The following COLEC11 variants were observed in gnomAD, a reference collection of about 807,000 sequenced individuals.
COLEC11 encodes the protein collectin-11.
In COLEC11, 20 loss-of-function variants were observed where a neutral mutation model predicts 27.3. That is an observed-to-expected ratio of 0.73 (90% CI 0.51 to 1.06). The LOEUF (loss-of-function observed/expected upper bound fraction) is 1.06, where lower values mean the gene tolerates loss of function less well. COLEC11 is among the 50% of genes least tolerant of loss of function. The probability of loss-of-function intolerance (pLI) is 0.00; values close to 1 mark genes in which losing one functional copy is unlikely to be tolerated. For missense variants in COLEC11, 310 were observed against 383.0 expected (o/e 0.81, Z 1.59); for synonymous variants, 163 against 154.7 (o/e 1.05, Z -0.40).
At chr2:3,643,629 G>A (rs1206418729) in intron 6 of COLEC11, 90 bp downstream of exon 6, 6 of 1,598,316 alleles carry the variant, frequency 3.8e-6, no homozygotes. Flanking sequence ...GCCCACGCCT[G>A]CCCTGCCTGC....
intron 3 of COLEC11, among the ~76,000 whole-genome samples, chr2:3,615,450 T>G (rs1663597144): frequency 6.6e-6 from 1 of 152,066 alleles, no homozygotes; most frequent in African/African-American, 2.4e-5. Context: ...GAGCAGGGGG[T>G]TGGGGGTAAG....
At chr2:3,635,660 G>C (rs1341051785) in intron 3 of COLEC11, among the ~76,000 whole-genome samples, 1 of 152,218 alleles carries the variant, frequency 6.6e-6, no homozygotes, top group Non-Finnish European at 1.5e-5. Context: ...TGCACAGCTG[G>C]CAACACACAG....
intron 2 of COLEC11, among the ~76,000 whole-genome samples, chr2:3,610,214 C>T (rs1003023197): frequency 2.0e-5 from 3 of 152,246 alleles, no homozygotes; most frequent in African/African-American, 4.8e-5. Context: ...TGTGTCTTCA[C>T]CTCTAGAGTG....
rs533544212 is a variant in COLEC11, at chr2:3,624,166, C to T, written c.202+10784C>T. On this transcript the variant is annotated intron_variant, in intron 3 of 6. Transcript: ENST00000349077. The stretch of plus-strand genomic sequence containing the variant: ...TCCCCTAGGGCAGTGCTCTGAAATG[C>T]TCAAGTTCTTGTGCCTTCTCCCTCC... Among the ~76,000 whole-genome samples the T allele has an allele frequency of 2.6e-5, 4 of 152,302 alleles. No homozygotes were observed. In the South Asian group the frequency reaches 8.3e-4, roughly 32 times the overall value.
intron 3 of COLEC11, among the ~76,000 whole-genome samples, chr2:3,618,054 A>G (rs533533141): frequency 1.3e-5 from 2 of 152,236 alleles, no homozygotes; most frequent in East Asian, 1.9e-4. Flanking sequence ...TTTTTCGGCT[A>G]TTGAGTTGTA....
Position 3,631,949 on chromosome 2 carries a change from C to T in COLEC11, c.203-5584C>T, listed in dbSNP as rs183513881. ...CGTGGAGGGTGGCTTTGGCTGTACC[C>T]GGGGTGGAAGTCTCACAGGCTGGGG... On this transcript the variant is annotated intron_variant, in intron 3 of 6. Coordinates refer to ENST00000349077, the MANE Select transcript of COLEC11 (RefSeq NM_024027.5). Among the ~76,000 whole-genome samples, 17 of 152,284 alleles carry T rather than the reference C, an allele frequency of 1.1e-4. No individual in the cohort carries two copies. In the East Asian group the frequency reaches 3.3e-3, roughly 30 times the overall value.
chr2:3,608,412 AC>A (rs149037315), intron 2 of COLEC11, among the ~76,000 whole-genome samples: 2,374 of 152,330 alleles, frequency 0.016, 35 homozygotes, highest in Middle Eastern at 0.061. Context: ...GGTCTACATT[AC>A]AAAATGCATG....
Position 3,643,844 on chromosome 2 carries a change from A to C in COLEC11, c.542A>C (p.Lys181Thr), listed in dbSNP as rs577671414. ...QGRGGTLSMP[K>T]DEAANGLMAA... ...CGCGGGGGCACGCTGAGCATGCCCA[A>C]GGACGAGGCTGCCAATGGCCTGATG... Residue 181 changes from lysine (K) to threonine (T), a missense_variant, in exon 7 of 7, where the codon AAG becomes ACG. By Grantham distance (78) the Lys-to-Thr change is moderately conservative (BLOSUM62 -1). Coordinates refer to ENST00000349077, the MANE Select transcript of COLEC11 (RefSeq NM_024027.5). 3 of 1,613,588 alleles carry C rather than the reference A, an allele frequency of 1.9e-6. No homozygotes were observed. In the Admixed American group the frequency reaches 5.0e-5, roughly 27 times the overall value.
intron 3 of COLEC11, among the ~76,000 whole-genome samples, chr2:3,618,745 G>A (rs1015022378): frequency 1.3e-5 from 2 of 152,130 alleles, no homozygotes; most frequent in Admixed American, 1.3e-4. Context: ...GATAGAGATT[G>A]CACTGAATCT....
At chr2:3,635,281 C>T (rs1331866520) in intron 3 of COLEC11, among the ~76,000 whole-genome samples, 1 of 152,144 alleles carries the variant, frequency 6.6e-6, no homozygotes, top group East Asian at 1.9e-4. Flanking sequence ...AACACTGCCT[C>T]CTGGGTGTCT....
intron 3 of COLEC11, among the ~76,000 whole-genome samples, chr2:3,631,048 T>C (rs1397269331): frequency 1.3e-5 from 2 of 152,102 alleles, no homozygotes; most frequent in Non-Finnish European, 2.9e-5. Flanking sequence ...CTGGCTAACA[T>C]GGTGAAACCC....
chr2:3,620,827 G>GT (rs1265558814), intron 3 of COLEC11, among the ~76,000 whole-genome samples: 1 of 151,906 alleles, frequency 6.6e-6, no homozygotes, highest in Non-Finnish European at 1.5e-5. Context: ...TAATTTTCTC[G>GT]TATTTGTGAA....
intron 5 of COLEC11, 23 bp from the exon 6 acceptor site, chr2:3,643,421 A>T (rs772025143): frequency 6.3e-7 from 1 of 1,595,144 alleles, no homozygotes; most frequent in Non-Finnish European, 8.6e-7. Flanking sequence ...AGCGTTTGTA[A>T]CGCGTGGGCC....
intron 3 of COLEC11, among the ~76,000 whole-genome samples, chr2:3,614,134 AT>A (rs1266658322): frequency 3.7e-4 from 30 of 82,172 alleles, no homozygotes; most frequent in African/African-American, 8.4e-4. Flanking sequence ...CACCCAGCTA[AT>A]TTTTTTTTGG....
In COLEC11 at chr2:3,604,487, C is replaced by T. The variant is rs1303591858; in HGVS notation, c.130+17C>T. Reference sequence around the variant, plus strand: ...GCCTCAAAGGTAACCGCTCCCTGGACTCTGGGCTGCTGGGCAGTGGCCTCC... The same window carrying T: ...GCCTCAAAGGTAACCGCTCCCTGGATTCTGGGCTGCTGGGCAGTGGCCTCC... On this transcript the variant is annotated intron_variant, in intron 2 of 6. Coordinates refer to ENST00000349077, the MANE Select transcript of COLEC11 (RefSeq NM_024027.5). 4 of 1,613,604 alleles carry T rather than the reference C, an allele frequency of 2.5e-6. No individual in the cohort carries two copies. The highest frequency in any genetic ancestry group is 3.4e-6 in the Non-Finnish European group (4 of 1,179,986).
intron 3 of COLEC11, among the ~76,000 whole-genome samples, chr2:3,615,327 G>A (rs1444367945): frequency 1.3e-5 from 2 of 152,152 alleles, no homozygotes; most frequent in Admixed American, 1.3e-4. Context: ...TGAGATTAGG[G>A]AGTGGTGATG....
At chr2:3,625,932 A>C (rs1664522609) in intron 3 of COLEC11, 2 of 1,330,284 alleles carry the variant, frequency 1.5e-6, no homozygotes, top group Non-Finnish European at 1.1e-6. Flanking sequence ...CATACCTGGC[A>C]GACTTTGCAA....
At chr2:3,632,757 A>G (rs1383258325) in intron 3 of COLEC11, among the ~76,000 whole-genome samples, 1 of 152,162 alleles carries the variant, frequency 6.6e-6, no homozygotes, top group African/African-American at 2.4e-5. Context: ...GGAGTATTCT[A>G]ATTTATTTCT....
At chr2:3,622,926 G>A (rs974886909) in intron 3 of COLEC11, among the ~76,000 whole-genome samples, 2 of 152,160 alleles carry the variant, frequency 1.3e-5, no homozygotes, top group Non-Finnish European at 2.9e-5. Context: ...TTACTAATTA[G>A]CATCCTTTTG....
Sources: gnomAD v4.1 joint callset for allele counts (sites outside exome capture counted in the v4.1 genomes callset) on GRCh38, gnomAD v4.1.1 for gene constraint, MANE v1.5 for transcripts, NCBI Gene and HGNC (gene_info 2026-07-23, HGNC 2026-07-21) for gene names.